The following ARHGAP15 variants were observed in gnomAD, a reference collection of about 807,000 sequenced individuals.
The protein encoded by ARHGAP15 is rho GTPase-activating protein 15.
ARHGAP15 carries 51 observed loss-of-function variants against 63.7 expected under a neutral mutation model. That is an observed-to-expected ratio of 0.80 (90% CI 0.64 to 1.01). The LOEUF (loss-of-function observed/expected upper bound fraction) is 1.01. Ranked by LOEUF, ARHGAP15 falls within the 50% of genes least tolerant of loss-of-function variation. The probability of loss-of-function intolerance (pLI) is 0.00; values close to 1 mark genes in which losing one functional copy is unlikely to be tolerated. For synonymous variants in ARHGAP15, 191 were observed against 193.8 expected, an observed-to-expected ratio of 0.99 and a Z score of 0.12; for missense variants, 560 against 564.6, an observed-to-expected ratio of 0.99 and a Z score of 0.08.
At chr2:143,646,601 A>C (rs938214741) in intron 12 of ARHGAP15, among the ~76,000 whole-genome samples, 45 of 152,162 alleles carry the variant, frequency 3.0e-4, no homozygotes, top group African/African-American at 1.0e-3. Context: ...GATGATTTAC[A>C]TGTAACATTT....
At chr2:143,710,437 G>C (rs1684532637) in intron 13 of ARHGAP15, among the ~76,000 whole-genome samples, 1 of 152,138 alleles carries the variant, frequency 6.6e-6, no homozygotes, top group African/African-American at 2.4e-5. Context: ...GAGACATCTT[G>C]GCATGGGATT....
intron 12 of ARHGAP15, among the ~76,000 whole-genome samples, chr2:143,659,028 T>C (rs543287061): frequency 6.6e-6 from 1 of 152,332 alleles, no homozygotes; most frequent in East Asian, 1.9e-4. Context: ...ACTCACTGAC[T>C]ACCTATCAAG....
At chr2:143,634,866 C>A (rs72992557) in intron 12 of ARHGAP15, among the ~76,000 whole-genome samples, 5 of 152,052 alleles carry the variant, frequency 3.3e-5, no homozygotes, top group African/African-American at 9.7e-5. Flanking sequence ...AGAACTTACG[C>A]CTTTATCATA....
chr2:143,333,785 T>C (rs1684652149), intron 6 of ARHGAP15, among the ~76,000 whole-genome samples: 1 of 152,088 alleles, frequency 6.6e-6, no homozygotes, highest in Non-Finnish European at 1.5e-5. Flanking sequence ...GAAATATAGA[T>C]ATAGAAGAAA....
chr2:143,130,791 A>G (rs1390254463), intron 1 of ARHGAP15, among the ~76,000 whole-genome samples: 1 of 152,118 alleles, frequency 6.6e-6, no homozygotes, highest in Non-Finnish European at 1.5e-5. Context: ...ATTTGCTTTG[A>G]TATTGTGATT....
chr2:143,211,720 GA>G (rs919466754), intron 3 of ARHGAP15, among the ~76,000 whole-genome samples: 1 of 152,036 alleles, frequency 6.6e-6, no homozygotes, highest in African/African-American at 2.4e-5. Context: ...TGTGGATCCA[GA>G]AAACTCATAT....
chr2:143,310,705 T>C (rs562348230), intron 6 of ARHGAP15, among the ~76,000 whole-genome samples: 1 of 152,154 alleles, frequency 6.6e-6, no homozygotes, highest in African/African-American at 2.4e-5. Context: ...TTACATACTT[T>C]ATTTACTTTC....
chr2:143,138,346 G>A (rs1413221040), intron 1 of ARHGAP15, among the ~76,000 whole-genome samples: 1 of 151,998 alleles, frequency 6.6e-6, no homozygotes, highest in Non-Finnish European at 1.5e-5. Flanking sequence ...ATAGATCTGG[G>A]TAATGCAAAG....
intron 6 of ARHGAP15, among the ~76,000 whole-genome samples, chr2:143,426,701 C>A (rs549725106): frequency 6.6e-6 from 1 of 152,146 alleles, no homozygotes; most frequent in Non-Finnish European, 1.5e-5. Context: ...AAGAGACCAA[C>A]TTTGGGTAGC....
chr2:143,630,350 T>C (rs552796801), intron 12 of ARHGAP15, among the ~76,000 whole-genome samples: 78 of 152,220 alleles, frequency 5.1e-4, no homozygotes, highest in African/African-American at 1.6e-3. Flanking sequence ...TTCATATGAG[T>C]ATTTTAATTG....
chr2:143,236,134 TTTTTG>T, intron 5 of ARHGAP15: 17 of 904,712 alleles, frequency 1.9e-5, no homozygotes, highest in East Asian at 6.1e-5. Flanking sequence ...AATTTTTTTC[TTTTTG>T]TTTTGTTTTG....
intron 10 of ARHGAP15, among the ~76,000 whole-genome samples, chr2:143,536,992 A>C (rs1472598158): frequency 6.6e-6 from 1 of 152,062 alleles, no homozygotes; most frequent in Non-Finnish European, 1.5e-5. Context: ...TCCCACCAAC[A>C]GTGTAAAAGT....
intron 11 of ARHGAP15, chr2:143,593,451 G>T (rs1440853129): frequency 6.6e-6 from 1 of 152,126 alleles, no homozygotes; most frequent in Non-Finnish European, 1.5e-5. Flanking sequence ...ATTCACATCT[G>T]GGAATTATAA....
intron 11 of ARHGAP15, among the ~76,000 whole-genome samples, chr2:143,566,833 T>C (rs1288187179): frequency 6.6e-6 from 1 of 151,734 alleles, no homozygotes; most frequent in Non-Finnish European, 1.5e-5. Context: ...CCACTACCTT[T>C]CCCAGTATCG....
At chr2:143,672,809 A>G (rs552027479) in intron 12 of ARHGAP15, among the ~76,000 whole-genome samples, 6 of 152,228 alleles carry the variant, frequency 3.9e-5, no homozygotes, top group Admixed American at 6.5e-5. Context: ...GATTGAAACT[A>G]TAGTTTGAAT....
At chr2:143,413,966 T>TGTGTGTGTGCGCGCACGCGCGCGC in intron 6 of ARHGAP15, among the ~76,000 whole-genome samples, 67 of 117,920 alleles carry the variant, frequency 5.7e-4, no homozygotes, top group Middle Eastern at 4.0e-3. Context: ...TGTGTGTGTG[T>TGTGTGTGTGCGCGCACGCGCGCGC]GCGCGCTCTC....
chr2:143,461,953 G>A (rs1307653666), intron 8 of ARHGAP15, among the ~76,000 whole-genome samples: 1 of 152,132 alleles, frequency 6.6e-6, no homozygotes. Context: ...CTGATCGCTT[G>A]AGCAGCCTGG....
At chr2:143,665,214 C>T (rs369045682) in intron 12 of ARHGAP15, among the ~76,000 whole-genome samples, 85 of 132,982 alleles carry the variant, frequency 6.4e-4, no homozygotes, top group South Asian at 1.6e-3. Context: ...TAAAGCTTAT[C>T]CACCATGATC....
intron 6 of ARHGAP15, among the ~76,000 whole-genome samples, chr2:143,346,562 A>G (rs1279762187): frequency 1.3e-5 from 2 of 152,154 alleles, no homozygotes; most frequent in East Asian, 1.9e-4. Flanking sequence ...AACATTCCCT[A>G]CATTATGCTA....
Sources: allele counts gnomAD v4.1 joint callset (sites outside exome capture counted in the v4.1 genomes callset), GRCh38; gene constraint gnomAD v4.1.1; transcripts MANE v1.5; gene names NCBI Gene and HGNC (gene_info 2026-07-23, HGNC 2026-07-21).